Variants in IL1RAP observed in about 807,000 individuals in gnomAD.
The protein encoded by IL1RAP is interleukin-1 receptor accessory protein.
A neutral mutation model predicts 60.7 loss-of-function variants in IL1RAP; 35 were observed. The observed-to-expected ratio is 0.58, with a 90% CI of 0.44 to 0.76. IL1RAP has a LOEUF of 0.76. Ranked by LOEUF, IL1RAP falls within the 30% of genes least tolerant of loss-of-function variation. The pLI, the probability that IL1RAP is intolerant of heterozygous loss-of-function variation, is 0.00. For synonymous variants in IL1RAP, 268 were observed against 250.9 expected (o/e 1.07, Z -0.64); for missense variants, 572 against 693.9 (o/e 0.82, Z 1.97).
At chr3:190,651,730 G>A (rs1410565282), downstream of IL1RAP, among the ~76,000 whole-genome samples, 1 of 152,028 alleles carries the variant, frequency 6.6e-6, no homozygotes. Flanking sequence ...AAAATGAATT[G>A]TTCCAGAATA....
intron 1 of IL1RAP, among the ~76,000 whole-genome samples, chr3:190,526,011 A>G (rs1722479538): frequency 6.6e-6 from 1 of 152,134 alleles, no homozygotes; most frequent in Non-Finnish European, 1.5e-5. Flanking sequence ...TACAAGATCA[A>G]TTTCTTCTTT....
At chr3:190,634,707 G>GTTTTT (rs1167445179) in intron 9 of IL1RAP, among the ~76,000 whole-genome samples, 1,485 of 134,220 alleles carry the variant, frequency 0.011, 83 homozygotes, top group Middle Eastern at 0.021. Flanking sequence ...GGCCTGTTGT[G>GTTTTT]TTTTTTTTTT....
intron 3 of IL1RAP, among the ~76,000 whole-genome samples, chr3:190,596,696 A>G (rs1729407141): frequency 1.3e-5 from 2 of 152,174 alleles, no homozygotes; most frequent in South Asian, 4.1e-4. Flanking sequence ...GAGTAAACTG[A>G]ATAAGAAGGG....
chr3:190,604,436 C>T, intron 4 of IL1RAP, 23 bp downstream of exon 4: 1 of 1,604,902 alleles, frequency 6.2e-7, no homozygotes. Context: ...TTGGCAGTGG[C>T]TTTCTCTTTT....
intron 1 of IL1RAP, among the ~76,000 whole-genome samples, chr3:190,534,428 T>C (rs1371099326): frequency 6.6e-6 from 1 of 152,126 alleles, no homozygotes; most frequent in Non-Finnish European, 1.5e-5. Flanking sequence ...TCCCAGGAAA[T>C]AAAGATGTTA....
At chr3:190,604,048 TGAG>T in intron 3 of IL1RAP, 77 bp from the exon 4 acceptor site, 3 of 1,390,560 alleles carry the variant, frequency 2.2e-6, no homozygotes, top group Non-Finnish European at 3.0e-6. Flanking sequence ...CCGGGTGAAC[TGAG>T]GAGAAGGTGT....
chr3:190,544,462 T>G (rs1241119876), intron 1 of IL1RAP, among the ~76,000 whole-genome samples: 1 of 152,198 alleles, frequency 6.6e-6, no homozygotes, highest in Admixed American at 6.5e-5. Context: ...GTTTAGCAAA[T>G]TAGAAAATTG....
At chr3:190,644,419 T>C (rs1291584620) in intron 10 of IL1RAP, 22 bp downstream of exon 10, 1 of 1,569,692 alleles carries the variant, frequency 6.4e-7, no homozygotes, top group East Asian at 2.2e-5. Flanking sequence ...AAATTTGACA[T>C]AAACCTCTTC....
chr3:190,658,876 C>T (rs1045275655), exon 12 of IL1RAP: 9 of 152,160 alleles, frequency 5.9e-5, no homozygotes, highest in African/African-American at 2.2e-4. Context: ...AACTTGTAAT[C>T]AGAAAACGAC....
rs769162309 is a variant in IL1RAP, at chr3:190,523,467, C to CAGGT, written c.-89+9250_-89+9253dup. Among the ~76,000 whole-genome samples the CAGGT allele has an allele frequency of 7.9e-5, 12 of 151,944 alleles. No individual in the cohort carries two copies. In the East Asian group the frequency reaches 2.3e-3, roughly 29 times the overall value. On this transcript the variant is annotated intron_variant, in intron 1 of 11. Coordinates refer to ENST00000447382, the MANE Select transcript of IL1RAP (RefSeq NM_002182.4). ...TTGTTATACAGATTATTTCATTGCCCAGGTATTAAGCCTAGCACCCATTAG... is the reference window on the plus strand; with the variant it reads ...TTGTTATACAGATTATTTCATTGCCCAGGTAGGTATTAAGCCTAGCACCCATTAG...
chr3:190,552,625 A>G (rs1421837439), intron 1 of IL1RAP, among the ~76,000 whole-genome samples: 2 of 152,164 alleles, frequency 1.3e-5, no homozygotes, highest in Admixed American at 1.3e-4. Flanking sequence ...CACACAAAAC[A>G]CATATACAAC....
chr3:190,545,528 T>C (rs1200301278), intron 1 of IL1RAP, among the ~76,000 whole-genome samples: 1 of 152,176 alleles, frequency 6.6e-6, no homozygotes, highest in Non-Finnish European at 1.5e-5. Context: ...CTGTAGGACA[T>C]GACAAATGCT....
At chr3:190,536,099 GCTTGTTGGGTTTCTTTT>G (rs907401953) in intron 1 of IL1RAP, among the ~76,000 whole-genome samples, 1 of 151,980 alleles carries the variant, frequency 6.6e-6, no homozygotes, top group Non-Finnish European at 1.5e-5. Context: ...ACCAGTTTTT[GCTTGTTGGGTTTCTTTT>G]CTTGTTGGGT....
At chr3:190,656,287 G>A (rs1391670207), downstream of IL1RAP, 3 of 1,537,138 alleles carry the variant, frequency 2.0e-6, no homozygotes, top group African/African-American at 4.1e-5. Flanking sequence ...AGAGCCCCCA[G>A]AACTTCAGAG....
chr3:190,519,163 G>C (rs1721792869), intron 1 of IL1RAP: 1 of 152,138 alleles, frequency 6.6e-6, no homozygotes, highest in South Asian at 2.1e-4. Flanking sequence ...AATTTCTTCT[G>C]CTATAACGCA....
intron 1 of IL1RAP, among the ~76,000 whole-genome samples, chr3:190,552,619 C>G (rs1052691166): frequency 6.6e-6 from 1 of 152,186 alleles, no homozygotes; most frequent in Non-Finnish European, 1.5e-5. Flanking sequence ...ACATCACACA[C>G]AAAACACATA....
intron 5 of IL1RAP, among the ~76,000 whole-genome samples, chr3:190,610,180 C>T (rs1280377989): frequency 6.6e-6 from 1 of 152,036 alleles, no homozygotes; most frequent in South Asian, 2.1e-4. Context: ...AAAAATGGAT[C>T]AGGAGAACAA....
At chr3:190,551,253 A>G (rs1724838466) in intron 1 of IL1RAP, among the ~76,000 whole-genome samples, 1 of 152,094 alleles carries the variant, frequency 6.6e-6, no homozygotes, top group African/African-American at 2.4e-5. Context: ...GTTGAGCTTG[A>G]CTCCTTAAAG....
chr3:190,591,604 G>C (rs1728946406), intron 3 of IL1RAP, among the ~76,000 whole-genome samples: 1 of 152,052 alleles, frequency 6.6e-6, no homozygotes, highest in Non-Finnish European at 1.5e-5. Context: ...TTTATTTCAT[G>C]CGCTGTCAGT....
Sources: allele counts gnomAD v4.1 joint callset (sites outside exome capture counted in the v4.1 genomes callset), GRCh38; gene constraint gnomAD v4.1.1; transcripts MANE v1.5; gene names NCBI Gene and HGNC (gene_info 2026-07-23, HGNC 2026-07-21).